Variants in SCARB1 observed in about 807,000 individuals in gnomAD.
SCARB1 encodes scavenger receptor class B member 1.
A neutral mutation model predicts 57.2 loss-of-function variants in SCARB1; 30 were observed. The ratio of observed to expected loss-of-function variants is 0.52; its 90% CI spans 0.39 to 0.71. The LOEUF is 0.71. Among genes scored for constraint, SCARB1 ranks in the 30% least tolerant of loss-of-function variants. The pLI, the probability that SCARB1 is intolerant of heterozygous loss-of-function variation, is 0.00. For synonymous variants in SCARB1, 249 were observed against 268.3 expected (o/e 0.93, Z 0.70); for missense variants, 543 against 671.2 (o/e 0.81, Z 2.11).
chr12:124,837,530 AAAAG>A (rs200355444), intron 1 of SCARB1, among the ~76,000 whole-genome samples: 3 of 98,748 alleles, frequency 3.0e-5, no homozygotes, highest in Non-Finnish European at 5.8e-5. Flanking sequence ...AAAGGAAAGA[AAAAG>A]AAAGAAAAGA....
In SCARB1 at chr12:124,778,264, C is replaced by T. The variant is rs775559348; in HGVS notation, c.*323G>A. 9.2e-6 allele frequency: 4 copies of T among 433,226 alleles called. No homozygotes were observed. The highest frequency in any genetic ancestry group is 1.3e-4 in the South Asian group (1 of 7,932). 26.8% of individuals were successfully genotyped at this position (433,226 alleles called of 1,614,324 possible). On this transcript the variant is annotated 3_prime_UTR_variant, in exon 13 of 13. Coordinates refer to ENST00000261693, the MANE Select transcript of SCARB1 (RefSeq NM_005505.5). ...GGCCAGGCTCACCCGAGGAAGGGGA[C>T]GCAGGACCCACAGCCCCTGTGGTCA...
intron 5 of SCARB1, 144 bp downstream of exon 5, chr12:124,811,726 A>T (rs140613481): frequency 7.5e-6 from 5 of 666,018 alleles, no homozygotes; most frequent in Non-Finnish European, 1.4e-5. Context: ...CCCTCCTCCA[A>T]CTTCAAGAGT....
chr12:124,850,305 G>A (rs1444456094), intron 1 of SCARB1, among the ~76,000 whole-genome samples: 3 of 150,988 alleles, frequency 2.0e-5, no homozygotes, highest in African/African-American at 4.9e-5. Context: ...CCCGGGAGGC[G>A]GAGGTTGCAG....
chr12:124,791,433 T>C (rs933353626), intron 9 of SCARB1, among the ~76,000 whole-genome samples: 3 of 152,162 alleles, frequency 2.0e-5, no homozygotes, highest in Non-Finnish European at 2.9e-5. Context: ...ACGTAACTCT[T>C]CCTAGGACTC....
intron 1 of SCARB1, among the ~76,000 whole-genome samples, chr12:124,853,373 C>G (rs976711858): frequency 6.7e-6 from 1 of 149,622 alleles, no homozygotes; most frequent in Non-Finnish European, 1.5e-5. Context: ...TTGAAATGAT[C>G]CAGTTTGCAT....
rs770411885 is a variant in SCARB1 at position 124,807,805 on chromosome 12, G to T, written c.965C>A (p.Pro322Gln). The change falls in exon 7 of 13, where the codon CCG (proline) becomes CAG (glutamine). Residue 322 changes from proline (P) to glutamine (Q), a missense_variant. Transcript: ENST00000261693. This position sits in a 1 kb window ranked among gnomAD's most constrained non-coding sequence, Gnocchi z 5.3. Reference protein sequence around the residue: ...SIYPPNEGFCPCLESGIQNVS... With the variant: ...SIYPPNEGFCQCLESGIQNVS... Reference sequence around the variant, plus strand: ...GTTCTGAATTCCAGACTCCAGGCACGGGCAGAAGCCTTCGTTGGGTGGGTA... The same window carrying T: ...GTTCTGAATTCCAGACTCCAGGCACTGGCAGAAGCCTTCGTTGGGTGGGTA... 1.9e-6 allele frequency: 3 copies of T among 1,614,126 alleles called. No homozygotes were observed. Among genetic ancestry groups the T allele is most frequent in the Non-Finnish European group, 2.5e-6 (3 of 1,180,018 alleles).
At chr12:124,786,549 C>A (rs1243587220) in intron 10 of SCARB1, 46 bp from the exon 11 acceptor site, 1 of 1,608,880 alleles carries the variant, frequency 6.2e-7, no homozygotes, top group Non-Finnish European at 8.5e-7. Flanking sequence ...CCGCAGGCTG[C>A]GGGCTACAGC....
intron 7 of SCARB1, among the ~76,000 whole-genome samples, chr12:124,805,080 A>G (rs1255799487): frequency 6.6e-6 from 1 of 152,178 alleles, no homozygotes; most frequent in Non-Finnish European, 1.5e-5. Flanking sequence ...TAAAATCCAC[A>G]GTCCATGAGT....
intron 9 of SCARB1, among the ~76,000 whole-genome samples, chr12:124,794,439 C>T (rs1949861087): frequency 8.0e-6 from 1 of 125,296 alleles, no homozygotes; most frequent in African/African-American, 3.1e-5. Context: ...CTTGCTCTGT[C>T]GCCCAGGCTG....
chr12:124,808,161 A>G lies in SCARB1; in HGVS notation c.843-234T>C, dbSNP rs114085932. ...ATTAGCCGTGGCCAGATGGAGTTTTACAAAAGAACAGAGGCCAGGCATTAT... is the reference window on the plus strand; with the variant it reads ...ATTAGCCGTGGCCAGATGGAGTTTTGCAAAAGAACAGAGGCCAGGCATTAT... On this transcript the variant is annotated intron_variant, in intron 6 of 12. Transcript: ENST00000261693. 8.2e-3 allele frequency among the ~76,000 whole-genome samples: 1,251 copies of G among 152,236 alleles called. 21 individuals are homozygous for G. Among genetic ancestry groups the G allele is most frequent in the African/African-American group, 0.029 (1,206 of 41,550 alleles).
chr12:124,853,983 C>T (rs10773112), intron 1 of SCARB1, among the ~76,000 whole-genome samples: 95,605 of 152,106 alleles, frequency 0.63, 31,474 homozygotes, highest in South Asian at 0.74. Flanking sequence ...TGCTAGGCAT[C>T]GTTCCAGGGG....
rs114951638 is a variant in SCARB1, at chr12:124,792,459, G to A, written c.1202+2736C>T. ...GTTAAGAATGTGAATTAGGCCCAGC[G>A]CAGGGCTCATGCCTATAATCCCAGC... On this transcript the variant is annotated intron_variant, in intron 9 of 12. Transcript: ENST00000261693. Among the ~76,000 whole-genome samples, 847 of 152,050 alleles carry A rather than the reference G, an allele frequency of 5.6e-3. 16 individuals are homozygous for A. The highest frequency in any genetic ancestry group is 0.02 in the African/African-American group (820 of 41,420).
chr12:124,811,670 C>T (rs992868535), intron 5 of SCARB1, among the ~76,000 whole-genome samples, 200 bp downstream of exon 5: 1 of 152,178 alleles, frequency 6.6e-6, no homozygotes, highest in Non-Finnish European at 1.5e-5. Flanking sequence ...CAATCACTAA[C>T]CCCACCTGCC....
At chr12:124,786,640 A>G (rs528442603) in intron 10 of SCARB1, 137 bp from the exon 11 acceptor site, 43 of 1,506,114 alleles carry the variant, frequency 2.9e-5, no homozygotes, top group Non-Finnish European at 3.6e-5. Flanking sequence ...CATGTGTTGG[A>G]GCCTGCCAGG....
At position 124,838,774 on chromosome 12, in the gene SCARB1, C is replaced by CT. The variant is rs1951793280; in HGVS notation, c.127-21068_127-21067insA. ...GTAAACATAAAATTTACCAACTTAG[C>CT]CTTTTTTTTTTTTTTTTTTGAGATG... On this transcript the variant is annotated intron_variant, in intron 1 of 12. Transcript: ENST00000261693. Among the ~76,000 whole-genome samples the CT allele has an allele frequency of 4.7e-5, 3 of 63,866 alleles. No homozygotes were observed. In the South Asian group the frequency reaches 3.2e-3, roughly 69 times the overall value. 41.9% of individuals were successfully genotyped at this position (63,866 alleles called of 152,430 possible).
chr12:124,863,479 C>T, intron 1 of SCARB1, 116 bp downstream of exon 1: 3 of 1,124,788 alleles, frequency 2.7e-6, no homozygotes, highest in Non-Finnish European at 3.7e-6. Flanking sequence ...CGGCGCCAGG[C>T]CCGGGCGCCG....
rs186072557 is a variant in SCARB1 at position 124,780,583 on chromosome 12, T to C, written c.*1-1997A>G. 5.5e-3 allele frequency among the ~76,000 whole-genome samples: 843 copies of C among 152,288 alleles called. 6 individuals are homozygous for C. The highest frequency in any genetic ancestry group is 0.02 in the African/African-American group (811 of 41,564). ...AGCCAGCCACTGGAGGACACTGCAT[T>C]CCCCGTTTCACATGCCTAGGGGATC... On this transcript the variant is annotated intron_variant, in intron 12 of 12. Coordinates refer to ENST00000261693, the MANE Select transcript of SCARB1 (RefSeq NM_005505.5).
At chr12:124,797,277 T>G (rs1949971887) in intron 8 of SCARB1, among the ~76,000 whole-genome samples, 1 of 152,158 alleles carries the variant, frequency 6.6e-6, no homozygotes, top group Non-Finnish European at 1.5e-5. Flanking sequence ...GTCATTACAA[T>G]AAGTCTTAGC....
At chr12:124,802,533 C>T (rs35663553) in intron 7 of SCARB1, among the ~76,000 whole-genome samples, 3,159 of 152,190 alleles carry the variant, frequency 0.021, 117 homozygotes, top group African/African-American at 0.071. Flanking sequence ...CTCAAACAAG[C>T]CCTGGCCTGC....
Sources: gnomAD v4.1 joint callset for allele counts (sites outside exome capture counted in the v4.1 genomes callset) on GRCh38, gnomAD v4.1.1 for gene constraint, Gnocchi (gnomAD v3.1) non-coding constraint, MANE v1.5 for transcripts, NCBI Gene and HGNC (gene_info 2026-07-23, HGNC 2026-07-21) for gene names.